The following DAB1 variants were observed in gnomAD, a reference collection of about 807,000 sequenced individuals.
The protein encoded by DAB1 is disabled homolog 1.
DAB1 carries 15 observed loss-of-function variants against 64.6 expected under a neutral mutation model. The ratio of observed to expected loss-of-function variants is 0.23; its 90% CI spans 0.16 to 0.36. The LOEUF is 0.36. Among genes scored for constraint, DAB1 ranks in the 10% least tolerant of loss-of-function variants. The probability of loss-of-function intolerance (pLI) is 1.00; values close to 1 mark genes in which losing one functional copy is unlikely to be tolerated. For synonymous variants in DAB1, 235 were observed against 251.9 expected (o/e 0.93, Z 0.64); for missense variants, 596 against 706.7 (o/e 0.84, Z 1.78).
At chr1:57,123,668 A>C (rs1015813345) in intron 4 of DAB1, among the ~76,000 whole-genome samples, 1 of 152,180 alleles carries the variant, frequency 6.6e-6, no homozygotes, top group Admixed American at 6.5e-5. Context: ...TAAAACCTGC[A>C]TGGCTAACAA....
chr1:57,167,913 G>T (rs1298958972), intron 2 of DAB1, among the ~76,000 whole-genome samples: 5 of 152,172 alleles, frequency 3.3e-5, no homozygotes, highest in Non-Finnish European at 5.9e-5. Context: ...CATAATGTAG[G>T]TAACATTTGT....
chr1:57,312,335 T>G (rs764728787), intron 1 of DAB1, among the ~76,000 whole-genome samples: 5 of 149,734 alleles, frequency 3.3e-5, no homozygotes, highest in Non-Finnish European at 7.4e-5. Flanking sequence ...TAGAAACCTC[T>G]TCCTAATGAT....
chr1:58,209,022 A>G (rs955872059), intron 4 of DAB1, among the ~76,000 whole-genome samples: 14 of 152,198 alleles, frequency 9.2e-5, no homozygotes, highest in African/African-American at 2.9e-4. Context: ...GTGACACATA[A>G]AATGAGTCTT....
chr1:57,098,462 T>A (rs986585056), intron 4 of DAB1, among the ~76,000 whole-genome samples: 3 of 152,180 alleles, frequency 2.0e-5, no homozygotes, highest in African/African-American at 7.2e-5. Flanking sequence ...CCCATTACCA[T>A]CTAATTGGAG....
intron 7 of DAB1, among the ~76,000 whole-genome samples, chr1:57,454,479 GAAC>G (rs1686504674): frequency 1.3e-5 from 2 of 151,974 alleles, no homozygotes; most frequent in Non-Finnish European, 2.9e-5. Flanking sequence ...ACAAAGAAAT[GAAC>G]AACAGACCCC....
intron 5 of DAB1, among the ~76,000 whole-genome samples, chr1:57,896,047 T>C (rs1457726632): frequency 6.6e-6 from 1 of 152,114 alleles, no homozygotes; most frequent in Non-Finnish European, 1.5e-5. Context: ...TTCACTTTGG[T>C]ATTGACAGAG....
At chr1:58,252,085 A>G (rs116788004) in intron 4 of DAB1, among the ~76,000 whole-genome samples, 226 of 152,310 alleles carry the variant, frequency 1.5e-3, no homozygotes, top group African/African-American at 5.1e-3. Context: ...TTCTCATACA[A>G]GTATTGTGAG....
intron 3 of DAB1, among the ~76,000 whole-genome samples, chr1:58,469,158 G>T (rs555854464): frequency 6.6e-6 from 1 of 152,182 alleles, no homozygotes; most frequent in African/African-American, 2.4e-5. Flanking sequence ...GAGCTCTGCT[G>T]CCAGGAATCT....
chr1:57,046,607 G>A (rs559524092), intron 9 of DAB1, among the ~76,000 whole-genome samples: 6 of 152,292 alleles, frequency 3.9e-5, no homozygotes, highest in East Asian at 1.9e-4. Context: ...AGCTCTGCTC[G>A]TTAGAGATGC....
intron 3 of DAB1, among the ~76,000 whole-genome samples, chr1:58,449,029 G>A (rs1336831877): frequency 6.6e-6 from 1 of 152,208 alleles, no homozygotes; most frequent in Non-Finnish European, 1.5e-5. Flanking sequence ...ATTTTCATAG[G>A]AAAGGGATGG....
intron 5 of DAB1, among the ~76,000 whole-genome samples, chr1:58,046,304 T>C (rs1393661319): frequency 1.3e-5 from 2 of 152,246 alleles, no homozygotes; most frequent in Non-Finnish European, 2.9e-5. Context: ...TATAACTAAC[T>C]TCTTTTCTCA....
chr1:58,537,609 A>C (rs924724483), intron 1 of DAB1, among the ~76,000 whole-genome samples: 7 of 152,200 alleles, frequency 4.6e-5, no homozygotes, highest in African/African-American at 1.7e-4. Context: ...TGGGACAAAA[A>C]TTTTCCTTAT....
At position 58,473,545 on chromosome 1, in the gene DAB1, A is replaced by AAAATAAAT. The variant is rs56211911; in HGVS notation, n.257+32507_257+32514dup. On this transcript the variant is annotated intron_variant and non_coding_transcript_variant, in intron 3 of 20. Coordinates refer to the DAB1 transcript ENST00000485760. The stretch of plus-strand genomic sequence containing the variant: ...CGACAGAGCAAGACTCCGTCTCAAA[A>AAAATAAAT]AAATAAATAAATAAATAAATAAATA... Among the ~76,000 whole-genome samples, 714 of 122,620 alleles carry AAAATAAAT rather than the reference A, an allele frequency of 5.8e-3. 5 individuals are homozygous for AAAATAAAT. Among genetic ancestry groups the AAAATAAAT allele is most frequent in the Non-Finnish European group, 6.5e-3 (347 of 53,696 alleles). 80.4% of individuals were successfully genotyped at this position (122,620 alleles called of 152,430 possible). A position where few individuals can be genotyped will look rare whatever the true frequency, so the allele number is the denominator to read the frequency against.
At chr1:57,908,596 C>T (rs553287011) in intron 5 of DAB1, among the ~76,000 whole-genome samples, 6 of 143,064 alleles carry the variant, frequency 4.2e-5, no homozygotes, top group African/African-American at 1.4e-4. Flanking sequence ...ATATTCCAAG[C>T]GCAGTCAGAG....
intron 5 of DAB1, among the ~76,000 whole-genome samples, chr1:58,006,029 C>A (rs1238372716): frequency 6.6e-6 from 1 of 152,126 alleles, no homozygotes; most frequent in African/African-American, 2.4e-5. Flanking sequence ...ACAGCAGTGG[C>A]AAAATAGCAC....
chr1:58,424,976 C>A (rs562824712), intron 3 of DAB1, among the ~76,000 whole-genome samples: 8 of 152,050 alleles, frequency 5.3e-5, no homozygotes. Context: ...CCATAGGATA[C>A]TAGTAGATAG....
intron 2 of DAB1, among the ~76,000 whole-genome samples, chr1:57,267,892 G>C (rs1670708911): frequency 6.6e-6 from 1 of 152,202 alleles, no homozygotes; most frequent in Admixed American, 6.5e-5. Context: ...GCTGTGCTAT[G>C]AGAGCGGAGA....
chr1:57,417,259 C>T lies in DAB1; in HGVS notation c.-137+6671G>A, dbSNP rs548971193. 7.6e-4 allele frequency among the ~76,000 whole-genome samples: 114 copies of T among 150,952 alleles called. 1 individual carries two copies. Among genetic ancestry groups the T allele is most frequent in the African/African-American group, 2.7e-3 (113 of 41,270 alleles). On this transcript the variant is annotated intron_variant, in intron 1 of 14. Coordinates refer to ENST00000371236, the MANE Select transcript of DAB1 (RefSeq NM_001365792.1). ...TTTTGTGTGTCTTAACCCATTTATG[C>T]CAGAGGTTGCAAATTGTTTTTTGTG...
intron 3 of DAB1, among the ~76,000 whole-genome samples, chr1:58,365,587 T>C (rs1326798134): frequency 6.6e-6 from 1 of 152,144 alleles, no homozygotes; most frequent in East Asian, 1.9e-4. Context: ...CTTTATTGAG[T>C]CTGAACTTTT....
Sources: gnomAD v4.1 joint callset for allele counts (sites outside exome capture counted in the v4.1 genomes callset) on GRCh38, gnomAD v4.1.1 for gene constraint, MANE v1.5 for transcripts, NCBI Gene and HGNC (gene_info 2026-07-23, HGNC 2026-07-21) for gene names.